SNX5: variants seen among roughly 807,000 people sequenced by gnomAD.
SNX5 encodes sorting nexin-5.
A neutral mutation model predicts 53.9 loss-of-function variants in SNX5; 31 were observed. The ratio of observed to expected loss-of-function variants is 0.58; its 90% CI spans 0.43 to 0.78. The LOEUF is 0.78. SNX5 is among the 30% of genes least tolerant of loss of function. The pLI, the probability that SNX5 is intolerant of heterozygous loss-of-function variation, is 0.00. For missense variants in SNX5, 471 were observed against 478.8 expected (o/e 0.98, Z 0.15); for synonymous variants, 168 against 171.1 (o/e 0.98, Z 0.14).
chr20:17,961,693 G>A, intron 1 of SNX5: 1 of 984,906 alleles, frequency 1.0e-6, no homozygotes, highest in Non-Finnish European at 1.2e-6. Context: ...AGCAGCACAT[G>A]CTACAGTGTC....
intron 1 of SNX5, among the ~76,000 whole-genome samples, chr20:17,960,909 C>G (rs562216591): frequency 6.6e-6 from 1 of 152,250 alleles, no homozygotes; most frequent in South Asian, 2.1e-4. Context: ...CTTGAAACTA[C>G]TGGATCACGT....
At chr20:17,944,389 A>G (rs2039457628) in intron 11 of SNX5, 1 of 152,260 alleles carries the variant, frequency 6.6e-6, no homozygotes, top group African/African-American at 2.4e-5. Context: ...GTACCTGCAA[A>G]GCATCACACT....
intron 11 of SNX5, among the ~76,000 whole-genome samples, chr20:17,946,288 T>C (rs1040453044): frequency 2.0e-5 from 3 of 152,176 alleles, no homozygotes; most frequent in Non-Finnish European, 4.4e-5. Context: ...GAAGCAGAGA[T>C]ACCCCGAAAC....
intron 1 of SNX5, among the ~76,000 whole-genome samples, chr20:17,965,248 A>G (rs1259259861): frequency 6.6e-6 from 1 of 152,188 alleles, no homozygotes; most frequent in East Asian, 1.9e-4. Context: ...GCAGAGGCCA[A>G]AAACAGTTGC....
intron 4 of SNX5, among the ~76,000 whole-genome samples, chr20:17,953,709 C>T (rs900010487): frequency 6.6e-6 from 1 of 152,200 alleles, no homozygotes; most frequent in African/African-American, 2.4e-5. Flanking sequence ...TTTATTTCCT[C>T]ACTGTGCCAG....
At chr20:17,955,326 CAGAA>C (rs1427956868) in intron 3 of SNX5, 35 bp downstream of exon 3, 2 of 1,448,912 alleles carry the variant, frequency 1.4e-6, no homozygotes, top group Admixed American at 3.5e-5. Flanking sequence ...CATAGCAAGG[CAGAA>C]AGAACTAGCT....
chr20:17,945,991 C>T (rs1279575745), intron 11 of SNX5, among the ~76,000 whole-genome samples: 1 of 152,214 alleles, frequency 6.6e-6, no homozygotes, highest in East Asian at 1.9e-4. Flanking sequence ...CAACTACTCA[C>T]ATTCTGGGTA....
At chr20:17,949,967 G>A (rs1184564362) in intron 8 of SNX5, among the ~76,000 whole-genome samples, 165 bp downstream of exon 8, 1 of 152,182 alleles carries the variant, frequency 6.6e-6, no homozygotes, top group Non-Finnish European at 1.5e-5. Flanking sequence ...TGTCTTACAA[G>A]TGTCTTATGT....
At position 17,951,361 on chromosome 20, in the gene SNX5, A is replaced by C. The variant is rs2039565293; in HGVS notation, c.609+139T>G. On this transcript the variant is annotated intron_variant, in intron 6 of 12. Transcript: ENST00000377759. The stretch of plus-strand genomic sequence containing the variant: ...TAAGTGAAAATTGAATAAGTAGATG[A>C]AAATTACCAAAATCTGAAGAACACT... 1.3e-5 allele frequency: 8 copies of C among 623,590 alleles called. No individual in the cohort carries two copies. The South Asian group carries it at 1.7e-4, about 13-fold the overall frequency. 38.6% of individuals were successfully genotyped at this position (623,590 alleles called of 1,614,324 possible).
chr20:17,956,792 A>C lies in SNX5; in HGVS notation c.156+141T>G, dbSNP rs919553736. ...GCACTCACCTGATGCTTACTGTGAGATAGATTAGGGAGGTTCTCACTTAAT... is the reference window on the plus strand; with the variant it reads ...GCACTCACCTGATGCTTACTGTGAGCTAGATTAGGGAGGTTCTCACTTAAT... On this transcript the variant is annotated intron_variant, in intron 2 of 12. Transcript: ENST00000377759. 1.3e-4 allele frequency: 74 copies of C among 561,852 alleles called. 1 individual carries two copies. In the Middle Eastern group the frequency reaches 1.5e-3, roughly 11 times the overall value. 34.8% of individuals were successfully genotyped at this position (561,852 alleles called of 1,614,324 possible). A position where few individuals can be genotyped will look rare whatever the true frequency, so the allele number is the denominator to read the frequency against.
chr20:17,950,234 A>C (rs1481818509), intron 7 of SNX5, 27 bp from the exon 8 acceptor site: 1 of 1,613,508 alleles, frequency 6.2e-7, no homozygotes, highest in Non-Finnish European at 8.5e-7. Context: ...AAGTCTTTTT[A>C]TCCAAACACA....
chr20:17,950,407 G>GA lies in SNX5; in HGVS notation c.610-12dup, dbSNP rs1555786462. On this transcript the variant is annotated splice_polypyrimidine_tract_variant and intron_variant, in intron 6 of 12. Coordinates refer to ENST00000377759, the MANE Select transcript of SNX5 (RefSeq NM_014426.4). ...GAAGTCATCTACCTCCTAGAAGGAA[G>GA]AAAAAAAGAACCAGACATTTCATGA... The GA allele has an allele frequency of 2.0e-6, 3 of 1,473,384 alleles. No homozygotes were observed. Among genetic ancestry groups the GA allele is most frequent in the Non-Finnish European group, 2.8e-6 (3 of 1,061,002 alleles). 91.3% of individuals were successfully genotyped at this position (1,473,384 alleles called of 1,614,324 possible). A position where few individuals can be genotyped will look rare whatever the true frequency, so the allele number is the denominator to read the frequency against.
intron 6 of SNX5, 69 bp from the exon 7 acceptor site, chr20:17,950,465 C>T (rs1313422945): frequency 3.5e-6 from 3 of 866,726 alleles, no homozygotes; most frequent in Admixed American, 2.5e-5. Flanking sequence ...TTACATTTAT[C>T]AATATAAAAA....
intron 3 of SNX5, among the ~76,000 whole-genome samples, chr20:17,954,756 G>A (rs2035324967): frequency 6.6e-6 from 1 of 152,154 alleles, no homozygotes; most frequent in South Asian, 2.1e-4. Flanking sequence ...TGTCACCCAG[G>A]CTGGAGTGAC....
In SNX5 at chr20:17,945,456, C is replaced by T. The variant is rs1053900893; in HGVS notation, c.1078+2030G>A. 6 of 151,962 alleles carry T rather than the reference C, an allele frequency of 3.9e-5. No individual in the cohort carries two copies. The East Asian group carries it at 5.8e-4, about 15-fold the overall frequency. The allele number at this position is 151,962 out of a possible 1,614,324, so 9.4% of individuals were successfully genotyped here. A position where few individuals can be genotyped will look rare whatever the true frequency, so the allele number is the denominator to read the frequency against. On this transcript the variant is annotated intron_variant, in intron 11 of 12. Transcript: ENST00000377759. The stretch of plus-strand genomic sequence containing the variant: ...GAATATAGGATATAATCAATGTGGG[C>T]GAAAACTTTAGGCAGTAAAGGTAGA...
rs201174942 is a variant in SNX5 at position 17,959,298 on chromosome 20, CT to C, written c.52-2262del. 8.3e-4 allele frequency among the ~76,000 whole-genome samples: 127 copies of C among 152,358 alleles called. 1 individual carries two copies. The highest frequency in any genetic ancestry group is 2.8e-3 in the African/African-American group (117 of 41,592). On this transcript the variant is annotated intron_variant, in intron 1 of 12. Transcript: ENST00000377759. ...TTTCGTTCCTCTGAATAATTATCTT[CT>C]CTTTTCGTCCCTTTCCCCATGTAGA...
chr20:17,945,359 A>G (rs897238303), intron 11 of SNX5: 1 of 152,248 alleles, frequency 6.6e-6, no homozygotes, highest in African/African-American at 2.4e-5. Flanking sequence ...AAAGGCAAAC[A>G]GGTTAAGACC....
At chr20:17,961,445 C>G in intron 1 of SNX5, 1 of 985,348 alleles carries the variant, frequency 1.0e-6, no homozygotes, top group Non-Finnish European at 1.2e-6. Context: ...GAAAAAGACA[C>G]AGTCCAAAGA....
At chr20:17,967,773 T>C in intron 1 of SNX5, 1 of 301,940 alleles carries the variant, frequency 3.3e-6, no homozygotes, top group Non-Finnish European at 6.0e-6. Context: ...CTAGGGACAG[T>C]TTACATCAAT....
Sources: allele counts gnomAD v4.1 joint callset (sites outside exome capture counted in the v4.1 genomes callset), GRCh38; gene constraint gnomAD v4.1.1; transcripts MANE v1.5; gene names NCBI Gene and HGNC (gene_info 2026-07-23, HGNC 2026-07-21).